Variants in ZNF431 observed in about 807,000 individuals in gnomAD.
ZNF431 encodes zinc finger protein 431.
Under a neutral mutation model 57.0 loss-of-function variants are expected in ZNF431, and 34 were observed. The observed-to-expected ratio is 0.60, with a 90% CI of 0.45 to 0.79. ZNF431 has a LOEUF of 0.79. Ranked by LOEUF, ZNF431 falls within the 30% of genes least tolerant of loss-of-function variation. The pLI, the probability that ZNF431 is intolerant of heterozygous loss-of-function variation, is 0.00. For missense variants in ZNF431, 607 were observed against 667.1 expected (o/e 0.91, Z 0.99); for synonymous variants, 207 against 220.3 (o/e 0.94, Z 0.54).
Position 21,182,829 on chromosome 19 carries a change from T to C in ZNF431, c.526T>C (p.Phe176Leu), listed in dbSNP as rs762682886. ...QCLTTTQSKI[F>L]PCDKYVKVFH... ...TTTGACAACTACCCAGAGCAAAATA[T>C]TTCCATGTGATAAATATGTGAAAGT... The change falls in exon 5 of 5, where the codon TTT becomes CTT. Residue 176 changes from phenylalanine (F) to leucine (L), a missense_variant. Physicochemically the swap from Phe to Leu is conservative, Grantham distance 22. Coordinates refer to ENST00000311048, the MANE Select transcript of ZNF431 (RefSeq NM_133473.4). The C allele has an allele frequency of 2.5e-6, 4 of 1,613,894 alleles. No homozygotes were observed. The East Asian group carries it at 6.7e-5, about 27-fold the overall frequency.
At chr19:21,168,797 A>T (rs1970798318) in intron 4 of ZNF431, among the ~76,000 whole-genome samples, 1 of 152,128 alleles carries the variant, frequency 6.6e-6, no homozygotes, top group Non-Finnish European at 1.5e-5. Flanking sequence ...ATTATTAATA[A>T]GACTGTTTTC....
chr19:21,144,566 A>T (rs1970031534), intron 2 of ZNF431, among the ~76,000 whole-genome samples: 1 of 152,154 alleles, frequency 6.6e-6, no homozygotes, highest in Admixed American at 6.6e-5. Flanking sequence ...TTAATATCTA[A>T]TTATGTATCC....
At chr19:21,152,065 T>C (rs1186118112) in intron 2 of ZNF431, among the ~76,000 whole-genome samples, 2 of 152,172 alleles carry the variant, frequency 1.3e-5, no homozygotes, top group East Asian at 3.9e-4. Context: ...CAGATCAAAA[T>C]ATATGTGACA....
At chr19:21,169,582 C>CTTTA (rs1277127455) in intron 4 of ZNF431, among the ~76,000 whole-genome samples, 1 of 152,118 alleles carries the variant, frequency 6.6e-6, no homozygotes, top group East Asian at 1.9e-4. Context: ...TAGAGTCCAC[C>CTTTA]TTTAGATGGC....
chr19:21,169,573 A>G (rs1021212403), intron 4 of ZNF431, among the ~76,000 whole-genome samples: 3 of 152,162 alleles, frequency 2.0e-5, no homozygotes, highest in African/African-American at 7.2e-5. Context: ...GGTCTGCACT[A>G]GAGTCCACCT....
chr19:21,143,325 G>A (rs147938723), intron 1 of ZNF431, among the ~76,000 whole-genome samples: 189 of 152,220 alleles, frequency 1.2e-3, no homozygotes, highest in Middle Eastern at 6.8e-3. Flanking sequence ...AACTCTCTGT[G>A]CCTTTTCTCC....
intron 4 of ZNF431, among the ~76,000 whole-genome samples, chr19:21,176,047 G>GT (rs1052784215): frequency 7.2e-5 from 11 of 152,272 alleles, no homozygotes; most frequent in Non-Finnish European, 1.3e-4. Context: ...CACCAAAAGC[G>GT]TAACAGTATT....
chr19:21,170,047 G>T (rs905646444), intron 4 of ZNF431, among the ~76,000 whole-genome samples: 1 of 152,160 alleles, frequency 6.6e-6, no homozygotes, highest in Non-Finnish European at 1.5e-5. Flanking sequence ...TTGATCTGTA[G>T]CCAAAACCAA....
chr19:21,176,236 CACTTTTT>C (rs1213242980), intron 4 of ZNF431, among the ~76,000 whole-genome samples: 3 of 142,198 alleles, frequency 2.1e-5, no homozygotes, highest in African/African-American at 8.0e-5. Context: ...GTTCTTTGCT[CACTTTTT>C]TTTTTTTTTT....
In ZNF431 at chr19:21,189,904, GAGGC is replaced by G. The variant is rs1971470518; in HGVS notation, c.*5871_*5874del. On this transcript the variant is annotated 3_prime_UTR_variant, in exon 5 of 5. Coordinates refer to ENST00000311048, the MANE Select transcript of ZNF431 (RefSeq NM_133473.4). ...CTCACACCTGTAATCCCAGCTCTGG[GAGGC>G]CAAGGCCAGTGGATTGCTTGAGCCC... 2.5e-6 allele frequency: 1 copy of G among 397,936 alleles called. No individual in the cohort carries two copies. The highest frequency in any genetic ancestry group is 2.1e-5 in the African/African-American group (1 of 48,578). 24.7% of individuals were successfully genotyped at this position (397,936 alleles called of 1,614,324 possible). A position where few individuals can be genotyped will look rare whatever the true frequency, so the allele number is the denominator to read the frequency against.
intron 2 of ZNF431, among the ~76,000 whole-genome samples, chr19:21,152,870 T>C (rs1434509323): frequency 1.3e-5 from 2 of 152,134 alleles, no homozygotes; most frequent in Non-Finnish European, 2.9e-5. Flanking sequence ...CGGAAAGAAG[T>C]TCTGATCCAG....
chr19:21,142,042 C>G lies in ZNF431; in HGVS notation c.-142C>G. 1 of 1,107,366 alleles carries G rather than the reference C, an allele frequency of 9.0e-7. No individual in the cohort carries two copies. Among genetic ancestry groups the G allele is most frequent in the South Asian group, 1.4e-5 (1 of 71,564 alleles). The allele number at this position is 1,107,366 out of a possible 1,614,324, so 68.6% of individuals were successfully genotyped here. On this transcript the variant is annotated 5_prime_UTR_variant, in exon 1 of 5. Transcript: ENST00000311048. ...TTCCGGGATGTGGCGGGGCCTTTGT[C>G]TCTCGCCGCAGCCTGAGCTCCAGGT... is the stretch of plus-strand genomic sequence containing the variant.
chr19:21,160,877 A>G (rs963762250), intron 2 of ZNF431, among the ~76,000 whole-genome samples: 2 of 152,158 alleles, frequency 1.3e-5, no homozygotes, highest in African/African-American at 4.8e-5. Context: ...TGGTCATTCA[A>G]AACATAGATG....
chr19:21,178,112 T>C (rs1971111748), intron 4 of ZNF431, among the ~76,000 whole-genome samples: 1 of 152,290 alleles, frequency 6.6e-6, no homozygotes, highest in Non-Finnish European at 1.5e-5. Context: ...ATGATTTCGC[T>C]CTCTGTTTGT....
chr19:21,172,727 G>C (rs567709740), intron 4 of ZNF431, among the ~76,000 whole-genome samples: 1 of 152,304 alleles, frequency 6.6e-6, no homozygotes, highest in East Asian at 1.9e-4. Context: ...GAGCCTAGGA[G>C]TTTGAGGCTG....
intron 2 of ZNF431, among the ~76,000 whole-genome samples, chr19:21,160,983 C>T (rs1023166916): frequency 1.3e-5 from 2 of 152,076 alleles, no homozygotes; most frequent in Non-Finnish European, 2.9e-5. Flanking sequence ...TCCTGGCCAA[C>T]ATGGTGAAAC....
chr19:21,183,953 C>G lies in ZNF431; in HGVS notation c.1650C>G (p.Asn550Lys), dbSNP rs958645693. 1 of 1,608,264 alleles carries G rather than the reference C, an allele frequency of 6.2e-7. No individual in the cohort carries two copies. Among genetic ancestry groups the G allele is most frequent in the Non-Finnish European group, 8.5e-7 (1 of 1,177,992 alleles). The change falls in exon 5 of 5, where the codon AAC becomes AAG. Residue 550 changes from asparagine to lysine, a missense_variant. Physicochemically the swap from Asn to Lys is moderately conservative, Grantham distance 94. Transcript: ENST00000311048. ...YNCEECDNTF[N>K]QSSNLIKQNN... ...GTGAAGAATGTGACAATACATTTAA[C>G]CAGTCCTCAAACCTTATTAAACAAA...
chr19:21,167,740 CT>C, intron 4 of ZNF431, 74 bp downstream of exon 4: 1 of 1,006,048 alleles, frequency 9.9e-7, no homozygotes, highest in Non-Finnish European at 1.4e-6. Flanking sequence ...TGTGCCAGTC[CT>C]TACAATGTGT....
chr19:21,184,474 G>A lies in ZNF431; in HGVS notation c.*440G>A, dbSNP rs993355848. The A allele has an allele frequency of 1.9e-5, 3 of 155,398 alleles. No homozygotes were observed. The highest frequency in any genetic ancestry group is 7.2e-5 in the African/African-American group (3 of 41,452). The allele number at this position is 155,398 out of a possible 1,614,324, so 9.6% of individuals were successfully genotyped here. A position where few individuals can be genotyped will look rare whatever the true frequency, so the allele number is the denominator to read the frequency against. ...GGAGAGAAACTCTACAAATCAGAAAGATGTGACTACTTTTGACAACGCCTC... is the reference window on the plus strand; with the variant it reads ...GGAGAGAAACTCTACAAATCAGAAAAATGTGACTACTTTTGACAACGCCTC... On this transcript the variant is annotated 3_prime_UTR_variant, in exon 5 of 5. Transcript: ENST00000311048.
Sources: allele counts gnomAD v4.1 joint callset (sites outside exome capture counted in the v4.1 genomes callset), GRCh38; gene constraint gnomAD v4.1.1; transcripts MANE v1.5; gene names NCBI Gene and HGNC (gene_info 2026-07-23, HGNC 2026-07-21).